The following PCDHGA12 variants were observed in gnomAD, a reference collection of about 807,000 sequenced individuals.
PCDHGA12 encodes protocadherin gamma-A12.
In PCDHGA12, 43 loss-of-function variants were observed where a neutral mutation model predicts 61.1. That is an observed-to-expected ratio of 0.70 (90% CI 0.55 to 0.91). The LOEUF (loss-of-function observed/expected upper bound fraction) is 0.91. Ranked by LOEUF, PCDHGA12 falls within the 40% of genes least tolerant of loss-of-function variation. The pLI, the probability that PCDHGA12 is intolerant of heterozygous loss-of-function variation, is 0.00. For synonymous variants in PCDHGA12, 520 were observed against 542.9 expected (o/e 0.96, Z 0.59); for missense variants, 1,236 against 1,227.7 (o/e 1.01, Z -0.10).
intron 1 of PCDHGA12, among the ~76,000 whole-genome samples, chr5:141,463,346 C>G (rs963070531): frequency 6.7e-6 from 1 of 150,312 alleles, no homozygotes; most frequent in Non-Finnish European, 1.5e-5. Context: ...TGGTGTTATT[C>G]TTGGATTTCC....
chr5:141,488,866 G>C (rs957501628), intron 1 of PCDHGA12, among the ~76,000 whole-genome samples: 1 of 152,148 alleles, frequency 6.6e-6, no homozygotes, highest in East Asian at 1.9e-4. Context: ...GAAGTGAGTG[G>C]GGAGGTAGGA....
In PCDHGA12 at chr5:141,495,260, G is replaced by A. The variant is rs368797742; in HGVS notation, c.2483+395G>A. On this transcript the variant is annotated intron_variant, in intron 2 of 3. Transcript: ENST00000252085. ...TATGACCTGGGGCTCAGGCAGAAAA[G>A]CATTTGACCGGAGGAGGCGGTCCGC... Among the ~76,000 whole-genome samples the A allele has an allele frequency of 3.3e-5, 5 of 152,208 alleles. No individual in the cohort carries two copies. The East Asian group carries it at 5.8e-4, about 18-fold the overall frequency.
At chr5:141,458,434 G>T (rs535464730) in intron 1 of PCDHGA12, among the ~76,000 whole-genome samples, 1 of 152,198 alleles carries the variant, frequency 6.6e-6, no homozygotes, top group African/African-American at 2.4e-5. Context: ...GAAAGAGGAG[G>T]TCCCCCACAT....
At chr5:141,488,159 C>T (rs888153570) in intron 1 of PCDHGA12, among the ~76,000 whole-genome samples, 1 of 152,126 alleles carries the variant, frequency 6.6e-6, no homozygotes, top group Non-Finnish European at 1.5e-5. Flanking sequence ...GAGAGGCACG[C>T]ATCAGAGTGG....
chr5:141,431,351 C>A lies in PCDHGA12; in HGVS notation c.592C>A (p.Arg198Ser). The change falls in exon 1 of 4, where the codon CGC becomes AGC. Residue 198 changes from arginine to serine, a missense_variant. Physicochemically the swap from Arg to Ser is moderately radical, Grantham distance 110. Coordinates refer to ENST00000252085, the MANE Select transcript of PCDHGA12 (RefSeq NM_003735.3). The surrounding 1 kb of genome is among the most constrained non-coding windows in gnomAD (Gnocchi z 4.8). ...GSKYPELVLK[R>S]ALDREEKAAH... ...TAAGTACCCCGAATTGGTGCTGAAA[C>A]GCGCCCTGGACCGCGAAGAAAAGGC... The A allele has an allele frequency of 6.2e-7, 1 of 1,614,064 alleles. No individual in the cohort carries two copies. The highest frequency in any genetic ancestry group is 8.5e-7 in the Non-Finnish European group (1 of 1,180,042).
intron 2 of PCDHGA12, among the ~76,000 whole-genome samples, chr5:141,503,077 T>C (rs902429288): frequency 6.6e-6 from 1 of 151,810 alleles, no homozygotes; most frequent in African/African-American, 2.4e-5. Flanking sequence ...ATGGTCTCGA[T>C]CTCCTGACCT....
At chr5:141,438,053 C>T (rs1023159995) in intron 1 of PCDHGA12, among the ~76,000 whole-genome samples, 2 of 152,112 alleles carry the variant, frequency 1.3e-5, no homozygotes, top group African/African-American at 4.8e-5. Context: ...TTTGAGTTCA[C>T]TTTTAAGAAA....
intron 1 of PCDHGA12, among the ~76,000 whole-genome samples, chr5:141,482,757 T>G: frequency 7.9e-6 from 1 of 127,194 alleles, no homozygotes; most frequent in Admixed American, 7.7e-5. Flanking sequence ...GATTATGGTA[T>G]TTCATTATCA....
At position 141,487,578 on chromosome 5, in the gene PCDHGA12, C is replaced by T. The variant is rs1293087014; in HGVS notation, c.2425-7229C>T. The T allele has an allele frequency of 1.2e-6, 2 of 1,614,052 alleles. No individual in the cohort carries two copies. Among genetic ancestry groups the T allele is most frequent in the Non-Finnish European group, 1.7e-6 (2 of 1,180,044 alleles). ...CCTATGGCAGGGGAGCCTGTTCGCC[C>T]AAGCTGCCCACCCTCTGATCTTCTC... On this transcript the variant is annotated intron_variant, in intron 1 of 3. Coordinates refer to ENST00000252085, the MANE Select transcript of PCDHGA12 (RefSeq NM_003735.3). The surrounding 1 kb of genome is among the most constrained non-coding windows in gnomAD (Gnocchi z 5.0).
chr5:141,430,763 A>C lies in PCDHGA12; in HGVS notation c.4A>C (p.Ile2Leu). The change falls in exon 1 of 4, where the codon ATT (isoleucine) becomes CTT (leucine). Residue 2 changes from isoleucine (I) to leucine (L), a missense_variant. Ile to Leu is a conservative substitution (Grantham distance 5, BLOSUM62 2). Coordinates refer to ENST00000252085, the MANE Select transcript of PCDHGA12 (RefSeq NM_003735.3). ...ATAATTCTGGAGGAAGATAAGAATG[A>C]TTCCTGCGCGACTGCACCGGGACTA... M[I>L]PARLHRDYKG... 6.6e-7 allele frequency: 1 copy of C among 1,506,248 alleles called. No individual in the cohort carries two copies. Among genetic ancestry groups the C allele is most frequent in the Non-Finnish European group, 8.9e-7 (1 of 1,129,210 alleles). 93.3% of individuals were successfully genotyped at this position (1,506,248 alleles called of 1,614,324 possible).
At chr5:141,478,717 C>T (rs1381812771) in intron 1 of PCDHGA12, 1 of 1,545,032 alleles carries the variant, frequency 6.5e-7, no homozygotes, top group South Asian at 1.2e-5. Context: ...GAGATGGTGG[C>T]CTGCCAGAGT....
intron 1 of PCDHGA12, among the ~76,000 whole-genome samples, chr5:141,455,574 C>T (rs1214642742): frequency 6.6e-6 from 1 of 152,158 alleles, no homozygotes; most frequent in Non-Finnish European, 1.5e-5. Flanking sequence ...CCTCCCACCC[C>T]AGCCTTTTAA....
intron 1 of PCDHGA12, among the ~76,000 whole-genome samples, chr5:141,435,412 T>C (rs2097761991): frequency 6.6e-6 from 1 of 152,222 alleles, no homozygotes; most frequent in Non-Finnish European, 1.5e-5. Flanking sequence ...TGGTAAAGAC[T>C]ATTTTTCACT....
intron 1 of PCDHGA12, among the ~76,000 whole-genome samples, chr5:141,463,572 C>T (rs1462125489): frequency 6.6e-6 from 1 of 151,572 alleles, no homozygotes; most frequent in African/African-American, 2.4e-5. Context: ...CCTCAGCCTC[C>T]CGAGTAGCTG....
At chr5:141,433,853 A>G (rs934981508) in intron 1 of PCDHGA12, among the ~76,000 whole-genome samples, 1 of 152,026 alleles carries the variant, frequency 6.6e-6, no homozygotes, top group Non-Finnish European at 1.5e-5. Flanking sequence ...AAAAAAAAAA[A>G]AACTTTATCC....
At chr5:141,454,267 A>G (rs1270638226) in intron 1 of PCDHGA12, among the ~76,000 whole-genome samples, 1 of 152,254 alleles carries the variant, frequency 6.6e-6, no homozygotes, top group Non-Finnish European at 1.5e-5. Context: ...AAGTAATGCC[A>G]GCAAAAACTT....
At chr5:141,440,868 T>A (rs1288344051) in intron 1 of PCDHGA12, 1 of 152,150 alleles carries the variant, frequency 6.6e-6, no homozygotes, top group East Asian at 1.9e-4. Flanking sequence ...ATCTAGGATG[T>A]GTACAGCGTC....
chr5:141,438,681 G>T (rs2098050580), intron 1 of PCDHGA12, among the ~76,000 whole-genome samples: 1 of 142,154 alleles, frequency 7.0e-6, no homozygotes, highest in South Asian at 2.3e-4. Context: ...TGGAGTAGGG[G>T]ATGGAGTCTT....
intron 1 of PCDHGA12, among the ~76,000 whole-genome samples, chr5:141,472,274 G>A (rs1170341842): frequency 6.6e-6 from 1 of 152,176 alleles, no homozygotes; most frequent in Admixed American, 6.5e-5. Flanking sequence ...GGGCACAGTG[G>A]CTCACACCTG....
Sources: gnomAD v4.1 joint callset for allele counts (sites outside exome capture counted in the v4.1 genomes callset) on GRCh38, gnomAD v4.1.1 for gene constraint, Gnocchi (gnomAD v3.1) non-coding constraint, MANE v1.5 for transcripts, NCBI Gene and HGNC (gene_info 2026-07-23, HGNC 2026-07-21) for gene names.